The following HPN variants were observed in gnomAD, a reference collection of about 807,000 sequenced individuals.
HPN encodes the protein hepsin, also known as serine protease hepsin.
Under a neutral mutation model 55.9 loss-of-function variants are expected in HPN, and 13 were observed. The observed-to-expected ratio is 0.23, with a 90% CI of 0.15 to 0.37. HPN has a LOEUF of 0.37. Ranked by LOEUF, HPN falls within the 10% of genes least tolerant of loss-of-function variation. The pLI is 1.00. For missense variants in HPN, 451 were observed against 575.8 expected, an observed-to-expected ratio of 0.78 and a Z score of 2.22; for synonymous variants, 225 against 240.3, an observed-to-expected ratio of 0.94 and a Z score of 0.59.
At chr19:35,040,813 A>G (rs1398301435), upstream of HPN, among the ~76,000 whole-genome samples, 1 of 152,156 alleles carries the variant, frequency 6.6e-6, no homozygotes, top group East Asian at 1.9e-4. Context: ...AGCGTGTCCC[A>G]ATGAGGGGCC....
At chr19:35,056,395 T>C (rs2064455731) in intron 4 of HPN, among the ~76,000 whole-genome samples, 1 of 152,232 alleles carries the variant, frequency 6.6e-6, no homozygotes, top group Non-Finnish European at 1.5e-5. Context: ...ATTTGTTCAC[T>C]GCCTAAAATA....
At chr19:35,049,450 G>A in intron 3 of HPN, 25 bp from the exon 4 acceptor site, 3 of 1,613,102 alleles carry the variant, frequency 1.9e-6, no homozygotes, top group Non-Finnish European at 2.5e-6. Flanking sequence ...CAGCCTGCCT[G>A]CCCTCACCCC....
chr19:35,060,898 CA>C (rs1454538159), intron 9 of HPN, 81 bp downstream of exon 9: 2 of 1,189,858 alleles, frequency 1.7e-6, no homozygotes, highest in African/African-American at 3.1e-5. Flanking sequence ...ACAAGGCAAT[CA>C]ACTTATGGCT....
chr19:35,057,253 C>T (rs575808379), intron 4 of HPN, among the ~76,000 whole-genome samples: 7 of 151,848 alleles, frequency 4.6e-5, no homozygotes, highest in South Asian at 4.3e-4. Context: ...GGTGAAACCC[C>T]GTGTCTACTA....
chr19:35,060,575 A>G, intron 8 of HPN, 52 bp from the exon 9 acceptor site: 1 of 1,612,024 alleles, frequency 6.2e-7, no homozygotes, highest in Non-Finnish European at 8.5e-7. Context: ...AGTGGGGAGG[A>G]GGGCGGATTG....
intron 1 of HPN, 61 bp from the exon 2 acceptor site, chr19:35,042,392 C>T (rs2064303174): frequency 7.4e-6 from 11 of 1,491,060 alleles, no homozygotes; most frequent in East Asian, 2.5e-5. Flanking sequence ...GGACTGGGGG[C>T]GCCAGGACTG....
rs184570114 is a variant in HPN, at chr19:35,041,989, G to C, written c.-55+117G>C. 2.3e-5 allele frequency: 27 copies of C among 1,183,104 alleles called. No individual in the cohort carries two copies. In the East Asian group the frequency reaches 1.9e-3, roughly 85 times the overall value. 73.3% of individuals were successfully genotyped at this position (1,183,104 alleles called of 1,614,324 possible). ...GAGGGGTTCCTGGGGACCTGAAGAGGGGGCACTATGACGTCCCCCCAAGCA... is the reference window on the plus strand; with the variant it reads ...GAGGGGTTCCTGGGGACCTGAAGAGCGGGCACTATGACGTCCCCCCAAGCA... On this transcript the variant is annotated intron_variant, in intron 1 of 12. Transcript: ENST00000672452.
At chr19:35,061,792 A>G (rs2064536559) in intron 9 of HPN, among the ~76,000 whole-genome samples, 1 of 151,630 alleles carries the variant, frequency 6.6e-6, no homozygotes, top group African/African-American at 2.4e-5. Context: ...AAGGCTGGGC[A>G]CGGTGGCTCA....
At chr19:35,061,113 T>C (rs778800646) in intron 9 of HPN, among the ~76,000 whole-genome samples, 4 of 152,120 alleles carry the variant, frequency 2.6e-5, no homozygotes, top group Non-Finnish European at 4.4e-5. Flanking sequence ...GCACCAAAAC[T>C]CGTACATCAG....
upstream of HPN, among the ~76,000 whole-genome samples, chr19:35,041,256 G>A (rs1458993824): frequency 2.0e-5 from 3 of 152,198 alleles, no homozygotes; most frequent in African/African-American, 4.8e-5. Flanking sequence ...GGGAGGGGCC[G>A]GGGCAGGATG....
upstream of HPN, chr19:35,041,688 T>TACCCCCCCCCCCCCC: frequency 3.1e-6 from 2 of 638,112 alleles, no homozygotes; most frequent in South Asian, 5.3e-5. Flanking sequence ...CCCCGCCCCT[T>TACCCCCCCCCCCCCC]CACCCGCCCC....
chr19:35,062,542 C>A (rs2064548330), intron 9 of HPN, among the ~76,000 whole-genome samples: 2 of 152,188 alleles, frequency 1.3e-5, no homozygotes, highest in African/African-American at 4.8e-5. Flanking sequence ...ACCTCTCCAA[C>A]ACATACATCT....
chr19:35,058,626 A>C (rs2064486282), intron 4 of HPN, among the ~76,000 whole-genome samples: 1 of 147,322 alleles, frequency 6.8e-6, no homozygotes, highest in African/African-American at 2.5e-5. Flanking sequence ...ATATTATAAC[A>C]ATATATTAAT....
intron 7 of HPN, 29 bp from the exon 8 acceptor site, chr19:35,060,318 G>A (rs1332290813): frequency 1.1e-5 from 17 of 1,605,844 alleles, no homozygotes; most frequent in East Asian, 9.0e-5. Context: ...GTCCCCTGTC[G>A]CCGCCCCCTG....
chr19:35,050,643 C>T (rs941483036), intron 4 of HPN: 2 of 633,376 alleles, frequency 3.2e-6, no homozygotes, highest in Non-Finnish European at 4.6e-6. Context: ...TTCCCTGATG[C>T]AGGACAGCAG....
Position 35,050,338 on chromosome 19 carries a change from G to A in HPN, c.160+822G>A, listed in dbSNP as rs145140501. ...GAGATTTCACCATGTTGGCCAGGACGGTCTCTATCTCCTGACCTTGTGATC... is the reference window on the plus strand; with the variant it reads ...GAGATTTCACCATGTTGGCCAGGACAGTCTCTATCTCCTGACCTTGTGATC... On this transcript the variant is annotated intron_variant, in intron 4 of 12. Transcript: ENST00000672452. The A allele has an allele frequency of 7.4e-3, 3,271 of 443,870 alleles. 85 individuals are homozygous for A. The highest frequency in any genetic ancestry group is 0.061 in the African/African-American group (3,040 of 49,492). 27.5% of individuals were successfully genotyped at this position (443,870 alleles called of 1,614,324 possible).
Position 35,065,910 on chromosome 19 carries a change from C to T in HPN, c.1093C>T (p.Arg365Trp), listed in dbSNP as rs200523112. ...CTTTGTGTGTGAGGACAGCATCTCTCGGACGCCACGTTGGCGGCTGTGTGG... is the reference window on the plus strand; with the variant it reads ...CTTTGTGTGTGAGGACAGCATCTCTTGGACGCCACGTTGGCGGCTGTGTGG... ...GPFVCEDSIS[R>W]TPRWRLCGIV... The change falls in exon 12 of 13, where the codon CGG (arginine) becomes TGG (tryptophan). Residue 365 changes from arginine to tryptophan, a missense_variant. Arg to Trp is a moderately radical substitution (Grantham distance 101). Around this residue, in one of 2 missense-constraint regions of HPN, gnomAD observed 73 missense variants for 130.3 expected, o/e 0.56. Transcript: ENST00000672452. 1.2e-4 allele frequency: 196 copies of T among 1,614,132 alleles called. No individual in the cohort carries two copies. Among genetic ancestry groups the T allele is most frequent in the Non-Finnish European group, 1.5e-4 (182 of 1,180,042 alleles).
chr19:35,049,342 G>T lies in HPN; in HGVS notation c.69G>T (p.Ala23=), dbSNP rs1000770212. The change falls in exon 3 of 13, where the codon GCG becomes GCT. Residue 23 remains alanine (A), a synonymous_variant. Coordinates refer to ENST00000672452, the MANE Select transcript of HPN (RefSeq NM_001384133.1). ...GACCCAAGGTGGCAGCTCTCACTGC[G>T]GGGACCCTGCTACTTCTGACAGCCA... The part of the protein sequence containing the change: ...CSRPKVAALT[A]GTLLLLTAIG... 6.2e-7 allele frequency: 1 copy of T among 1,600,998 alleles called. No individual in the cohort carries two copies.
chr19:35,062,437 C>T (rs1688043), intron 9 of HPN, among the ~76,000 whole-genome samples: 137,780 of 152,234 alleles, frequency 0.91, 62,577 homozygotes, highest in Middle Eastern at 0.95. Flanking sequence ...ATGAATCAGA[C>T]TTAGAAAGTA....
Sources: allele counts gnomAD v4.1 joint callset (sites outside exome capture counted in the v4.1 genomes callset), GRCh38; gene constraint gnomAD v4.1.1; regional missense constraint gnomAD v4.1.1; transcripts MANE v1.5; gene names NCBI Gene and HGNC (gene_info 2026-07-23, HGNC 2026-07-21).